The following KIAA1217 variants were observed in gnomAD, a reference collection of about 807,000 sequenced individuals.
The protein encoded by KIAA1217 is sickle tail protein homolog.
Under a neutral mutation model 163.9 loss-of-function variants are expected in KIAA1217, and 88 were observed. The observed-to-expected ratio is 0.54, with a 90% CI of 0.45 to 0.64. The LOEUF is 0.64. Ranked by LOEUF, KIAA1217 falls within the 30% of genes least tolerant of loss-of-function variation. KIAA1217 has a pLI of 0.00. For synonymous variants in KIAA1217, 903 were observed against 923.1 expected, an observed-to-expected ratio of 0.98 and a Z score of 0.39; for missense variants, 2,372 against 2,475.0, an observed-to-expected ratio of 0.96 and a Z score of 0.88.
intron 1 of KIAA1217, among the ~76,000 whole-genome samples, chr10:23,708,022 A>G (rs1837000815): frequency 6.6e-6 from 1 of 152,206 alleles, no homozygotes; most frequent in Admixed American, 6.5e-5. Flanking sequence ...AGACTGGATA[A>G]TTTATAAAGA....
chr10:24,147,862 A>AAAAG (rs1564755588), intron 2 of KIAA1217, among the ~76,000 whole-genome samples: 8 of 143,532 alleles, frequency 5.6e-5, no homozygotes, highest in Non-Finnish European at 1.1e-4. Context: ...AAAAAAAAAA[A>AAAAG]GAAAGAAAGA....
intron 2 of KIAA1217, among the ~76,000 whole-genome samples, chr10:24,267,466 C>T (rs2076342664): frequency 6.6e-6 from 1 of 152,136 alleles, no homozygotes; most frequent in East Asian, 1.9e-4. Flanking sequence ...GTATCTATAA[C>T]TATATATCTA....
chr10:23,903,709 TTG>T (rs1434448548), intron 1 of KIAA1217, among the ~76,000 whole-genome samples: 1 of 152,072 alleles, frequency 6.6e-6, no homozygotes, highest in Non-Finnish European at 1.5e-5. Context: ...GTTTTTATGG[TTG>T]TCTCTCACAC....
intron 9 of KIAA1217, among the ~76,000 whole-genome samples, chr10:24,506,672 C>T (rs369410439): frequency 6.6e-6 from 1 of 152,096 alleles, no homozygotes; most frequent in African/African-American, 2.4e-5. Flanking sequence ...AACACAGGAC[C>T]GTAATCCTTA....
rs1348699554 is a variant in KIAA1217, at chr10:23,695,507, G to T, written c.-321+273G>T. On this transcript the variant is annotated intron_variant, in intron 1 of 18. Coordinates refer to the KIAA1217 transcript ENST00000376462. The surrounding 1 kb of genome is among the most constrained non-coding windows in gnomAD (Gnocchi z 4.9). ...ACCGGACCCCGGGGATCTCAGAAAG[G>T]GAAGGATGTGGGGAGAGTGAAGGTG... Among the ~76,000 whole-genome samples the T allele has an allele frequency of 6.6e-6, 1 of 152,166 alleles. No homozygotes were observed. The highest frequency in any genetic ancestry group is 1.5e-5 in the Non-Finnish European group (1 of 68,042).
At chr10:24,501,250 A>G in intron 8 of KIAA1217, 129 bp from the exon 9 acceptor site, 1 of 713,230 alleles carries the variant, frequency 1.4e-6, no homozygotes, top group Admixed American at 2.8e-5. Flanking sequence ...TGATTCATAT[A>G]TATGCATATT....
At chr10:24,510,562 T>C (rs2068959232) in intron 9 of KIAA1217, among the ~76,000 whole-genome samples, 2 of 152,194 alleles carry the variant, frequency 1.3e-5, no homozygotes, top group South Asian at 4.1e-4. Context: ...ATCTCTCAGT[T>C]GGGACCCAGG....
chr10:24,261,578 T>C (rs2075732350), intron 2 of KIAA1217, among the ~76,000 whole-genome samples: 1 of 151,802 alleles, frequency 6.6e-6, no homozygotes, highest in Non-Finnish European at 1.5e-5. Context: ...AGATTGGAAA[T>C]AGGTCCTGAG....
At chr10:24,154,926 CAAA>C (rs1250719385) in intron 2 of KIAA1217, among the ~76,000 whole-genome samples, 10 of 68,660 alleles carry the variant, frequency 1.5e-4, no homozygotes, top group Non-Finnish European at 6.2e-5. Context: ...GACTCCATGT[CAAA>C]AAAAAAAAAA....
chr10:23,979,123 G>T (rs1015772371), intron 1 of KIAA1217, among the ~76,000 whole-genome samples: 5 of 152,144 alleles, frequency 3.3e-5, no homozygotes, highest in African/African-American at 1.2e-4. Flanking sequence ...ATGACAAAAG[G>T]TCTTGATTAA....
At chr10:24,438,113 G>A (rs2060213296) in intron 4 of KIAA1217, among the ~76,000 whole-genome samples, 2 of 151,792 alleles carry the variant, frequency 1.3e-5, no homozygotes, top group African/African-American at 4.8e-5. Context: ...GAAAGTTCGT[G>A]CCACCCAACA....
At chr10:23,909,317 T>TA (rs1315759021) in intron 1 of KIAA1217, among the ~76,000 whole-genome samples, 2 of 151,812 alleles carry the variant, frequency 1.3e-5, no homozygotes, top group African/African-American at 4.8e-5. Context: ...CTTACTAATG[T>TA]AACCAAACAC....
At chr10:24,273,221 A>G (rs978126452) in intron 2 of KIAA1217, among the ~76,000 whole-genome samples, 3 of 152,210 alleles carry the variant, frequency 2.0e-5, no homozygotes, top group South Asian at 2.1e-4. Context: ...AAATTTCCCT[A>G]TGGTTACTAT....
intron 2 of KIAA1217, among the ~76,000 whole-genome samples, chr10:24,040,446 G>A (rs571355842): frequency 6.6e-6 from 1 of 152,354 alleles, no homozygotes; most frequent in South Asian, 2.1e-4. Flanking sequence ...GAAGAAGCAT[G>A]AGAAAGCAAT....
intron 2 of KIAA1217, among the ~76,000 whole-genome samples, chr10:24,091,691 A>T (rs1359404457): frequency 6.6e-6 from 1 of 151,826 alleles, no homozygotes; most frequent in African/African-American, 2.4e-5. Context: ...CATACCTCTG[A>T]GGATAAATAG....
At chr10:24,513,637 A>G (rs2069549682) in intron 10 of KIAA1217, among the ~76,000 whole-genome samples, 1 of 152,146 alleles carries the variant, frequency 6.6e-6, no homozygotes, top group African/African-American at 2.4e-5. Context: ...AGTGGCCCTC[A>G]GGTGACTGAA....
chr10:24,361,556 T>C (rs1021563998), intron 2 of KIAA1217, among the ~76,000 whole-genome samples: 1 of 152,214 alleles, frequency 6.6e-6, no homozygotes, highest in Non-Finnish European at 1.5e-5. Flanking sequence ...TGTTACATGA[T>C]AGCTACTTCA....
At chr10:23,990,208 A>G (rs1846160034) in intron 1 of KIAA1217, among the ~76,000 whole-genome samples, 1 of 152,172 alleles carries the variant, frequency 6.6e-6, no homozygotes, top group Admixed American at 6.5e-5. Flanking sequence ...GAACTATTTG[A>G]TTAAATGTAT....
chr10:23,754,489 A>G (rs1236055240), intron 1 of KIAA1217, among the ~76,000 whole-genome samples: 2 of 152,222 alleles, frequency 1.3e-5, no homozygotes, highest in Non-Finnish European at 2.9e-5. Flanking sequence ...TCTAACAGGC[A>G]GAAAATCTCT....
Sources: gnomAD v4.1 joint callset for allele counts (sites outside exome capture counted in the v4.1 genomes callset) on GRCh38, gnomAD v4.1.1 for gene constraint, Gnocchi (gnomAD v3.1) non-coding constraint, MANE v1.5 for transcripts, NCBI Gene and HGNC (gene_info 2026-07-23, HGNC 2026-07-21) for gene names.